Variants in CUBN observed in about 807,000 individuals in gnomAD.
CUBN encodes cubilin, also known as 460 kDa receptor.
Under a neutral mutation model 405.3 loss-of-function variants are expected in CUBN, and 282 were observed. The ratio of observed to expected loss-of-function variants is 0.70; its 90% CI spans 0.63 to 0.77. The LOEUF (loss-of-function observed/expected upper bound fraction) is 0.77, where lower values mean the gene tolerates loss of function less well. CUBN is among the 30% of genes least tolerant of loss of function. CUBN has a pLI of 0.00. For synonymous variants in CUBN, 1,684 were observed against 1,617.0 expected (o/e 1.04, Z -0.99); for missense variants, 4,514 against 4,475.2 (o/e 1.01, Z -0.25).
intron 66 of CUBN, 112 bp from the exon 67 acceptor site, chr10:16,825,194 G>T: frequency 1.4e-6 from 1 of 713,350 alleles, no homozygotes; most frequent in Non-Finnish European, 2.4e-6. Context: ...TAGAATTTAT[G>T]GTGAACCTGC....
intron 27 of CUBN, among the ~76,000 whole-genome samples, chr10:17,036,194 C>T (rs1447879183): frequency 6.6e-6 from 1 of 152,090 alleles, no homozygotes; most frequent in African/African-American, 2.4e-5. Context: ...AGCTCAAACA[C>T]ATGAGCTCCC....
Position 17,007,149 on chromosome 10 carries a change from C to T in CUBN, c.4168+12684G>A, listed in dbSNP as rs190820784. Among the ~76,000 whole-genome samples, 647 of 152,248 alleles carry T rather than the reference C, an allele frequency of 4.2e-3. 11 individuals carry two copies. Among genetic ancestry groups the T allele is most frequent in the African/African-American group, 0.015 (609 of 41,514 alleles). ...GGGAGGCCACTTTTCACACAGCCTG[C>T]GGAAACTTCTGTATTCCCCACCCCT... On this transcript the variant is annotated intron_variant, in intron 28 of 66. Transcript: ENST00000377833.
chr10:16,994,138 C>T (rs925662212), intron 28 of CUBN, among the ~76,000 whole-genome samples: 1 of 152,080 alleles, frequency 6.6e-6, no homozygotes, highest in Non-Finnish European at 1.5e-5. Context: ...TAACTGTCTT[C>T]GTATTTCTAA....
intron 59 of CUBN, among the ~76,000 whole-genome samples, chr10:16,859,840 A>T (rs1839966163): frequency 6.6e-6 from 1 of 152,178 alleles, no homozygotes; most frequent in African/African-American, 2.4e-5. Flanking sequence ...AAACAATAAA[A>T]ATGTTTTGTG....
chr10:16,901,130 T>C (rs532789803), intron 52 of CUBN, among the ~76,000 whole-genome samples: 1 of 152,174 alleles, frequency 6.6e-6, no homozygotes, highest in East Asian at 1.9e-4. Context: ...TCTTTCCCTA[T>C]GCTTAAAAAA....
At chr10:17,113,398 A>G (rs1836813564) in intron 8 of CUBN, among the ~76,000 whole-genome samples, 1 of 148,194 alleles carries the variant, frequency 6.7e-6, no homozygotes, top group Non-Finnish European at 1.5e-5. Flanking sequence ...CACCCAGCAC[A>G]GTGCTTTGCT....
In CUBN at chr10:17,100,222, GAA is replaced by G; in HGVS notation, c.1546_1547del (p.Phe516HisfsTer20). ...CCATGGATTCTAACCGGAAAAAAGTGAAAGTGATACGCAGGACCTAAAAATAC... is the reference window on the plus strand; with the variant it reads ...CCATGGATTCTAACCGGAAAAAAGTGAGTGATACGCAGGACCTAAAAATAC... ...TEMGKVLRIT[F>X]TFFRLESMDN... On this transcript the variant is annotated frameshift_variant, in exon 14 of 67. Coordinates refer to ENST00000377833, the MANE Select transcript of CUBN (RefSeq NM_001081.4). LOFTEE classifies it high-confidence loss of function. 6.2e-7 allele frequency: 1 copy of G among 1,611,982 alleles called. No individual in the cohort carries two copies. Among genetic ancestry groups the G allele is most frequent in the Non-Finnish European group, 8.5e-7 (1 of 1,178,174 alleles).
chr10:16,907,470 T>C, intron 49 of CUBN, 38 bp downstream of exon 49: 1 of 1,606,868 alleles, frequency 6.2e-7, no homozygotes, highest in Non-Finnish European at 8.5e-7. Context: ...GCAGTGCCCC[T>C]GATTAAAATG....
intron 59 of CUBN, among the ~76,000 whole-genome samples, chr10:16,861,882 G>A (rs1840023615): frequency 6.6e-6 from 1 of 152,030 alleles, no homozygotes; most frequent in African/African-American, 2.4e-5. Context: ...TGGGCGCAGT[G>A]GCTCACACCT....
At chr10:16,853,653 A>G (rs912036112) in intron 59 of CUBN, among the ~76,000 whole-genome samples, 14 of 152,226 alleles carry the variant, frequency 9.2e-5, no homozygotes, top group Admixed American at 7.8e-4. Context: ...TCCCTGATAT[A>G]TTCACAGAGG....
intron 40 of CUBN, among the ~76,000 whole-genome samples, chr10:16,932,595 C>A (rs1018953946): frequency 8.5e-5 from 13 of 152,108 alleles, no homozygotes; most frequent in African/African-American, 2.7e-4. Context: ...TTATATTCTT[C>A]TTATTATTAT....
chr10:17,029,752 G>C (rs1254713481), intron 27 of CUBN, among the ~76,000 whole-genome samples: 4 of 152,098 alleles, frequency 2.6e-5, no homozygotes. Context: ...ATCAAAGTCG[G>C]CTCAGATCCA....
chr10:16,936,077 TTTTC>T (rs950391756), intron 39 of CUBN, among the ~76,000 whole-genome samples: 12 of 152,086 alleles, frequency 7.9e-5, no homozygotes, highest in Non-Finnish European at 1.5e-5. Context: ...TACTTTCCTT[TTTTC>T]TTTTTCTTCT....
At chr10:17,084,186 C>T in intron 17 of CUBN, 85 bp downstream of exon 17, 2 of 1,389,884 alleles carry the variant, frequency 1.4e-6, no homozygotes, top group Non-Finnish European at 2.0e-6. Flanking sequence ...GCTGGTGGCC[C>T]AACAATCTTT....
chr10:17,125,117 C>A (rs1196902391), intron 4 of CUBN, among the ~76,000 whole-genome samples: 1 of 152,088 alleles, frequency 6.6e-6, no homozygotes, highest in Non-Finnish European at 1.5e-5. Context: ...CAGGCGTGAG[C>A]CACCGTACCC....
At chr10:16,997,178 G>A (rs1343305261) in intron 28 of CUBN, among the ~76,000 whole-genome samples, 1 of 152,184 alleles carries the variant, frequency 6.6e-6, no homozygotes, top group African/African-American at 2.4e-5. Context: ...GCTCATGCCT[G>A]TAATCCCAGC....
At chr10:16,958,529 A>G (rs1397162639) in intron 31 of CUBN, among the ~76,000 whole-genome samples, 1 of 152,138 alleles carries the variant, frequency 6.6e-6, no homozygotes. Context: ...CCATCTCAAT[A>G]AAAAGAAGGT....
chr10:16,964,142 G>C (rs1047382346), intron 31 of CUBN, among the ~76,000 whole-genome samples: 4 of 152,100 alleles, frequency 2.6e-5, no homozygotes, highest in Non-Finnish European at 5.9e-5. Flanking sequence ...TATATAGTCG[G>C]TATTTCTCTA....
In CUBN at chr10:16,907,301, T is replaced by C. The variant is rs1487672366; in HGVS notation, c.7705+207A>G. Among the ~76,000 whole-genome samples, 3 of 152,344 alleles carry C rather than the reference T, an allele frequency of 2.0e-5. No individual in the cohort carries two copies. In the East Asian group the frequency reaches 5.8e-4, roughly 29 times the overall value. ...ATCTAATAGCATTAAAAGTTTTAAA[T>C]TCACTATGGCAGTTTCTTTCTGAAA... On this transcript the variant is annotated intron_variant, in intron 49 of 66. Coordinates refer to ENST00000377833, the MANE Select transcript of CUBN (RefSeq NM_001081.4).
Sources: gnomAD v4.1 joint callset for allele counts (sites outside exome capture counted in the v4.1 genomes callset) on GRCh38, gnomAD v4.1.1 for gene constraint, MANE v1.5 for transcripts, NCBI Gene and HGNC (gene_info 2026-07-23, HGNC 2026-07-21) for gene names.